Variants in MDGA2 observed in about 807,000 individuals in gnomAD.
The protein encoded by MDGA2 is MAM domain containing glycosylphosphatidylinositol anchor 2, also known as MAM domain-containing glycosylphosphatidylinositol anchor protein 2.
A neutral mutation model predicts 117.8 loss-of-function variants in MDGA2; 40 were observed. The observed-to-expected ratio is 0.34, with a 90% confidence interval of 0.26 to 0.44. The LOEUF (loss-of-function observed/expected upper bound fraction) is 0.44, where lower values mean the gene tolerates loss of function less well. Among genes scored for constraint, MDGA2 ranks in the 20% least tolerant of loss-of-function variants. The pLI, the probability that MDGA2 is intolerant of heterozygous loss-of-function variation, is 1.00. For missense variants in MDGA2, 1,123 were observed against 1,250.6 expected, an observed-to-expected ratio of 0.90 and a Z score of 1.54; for synonymous variants, 452 against 439.0, an observed-to-expected ratio of 1.03 and a Z score of -0.37.
At chr14:47,628,198 TC>T (rs1423289741) in intron 1 of MDGA2, among the ~76,000 whole-genome samples, 1 of 152,202 alleles carries the variant, frequency 6.6e-6, no homozygotes, top group Non-Finnish European at 1.5e-5. Flanking sequence ...CCTGACACTT[TC>T]TCAGTAATTC....
chr14:47,346,441 C>A (rs1890764318), intron 1 of MDGA2, among the ~76,000 whole-genome samples: 1 of 152,060 alleles, frequency 6.6e-6, no homozygotes, highest in Admixed American at 6.5e-5. Flanking sequence ...CAGTGTGGGA[C>A]AGAAAAAGCA....
intron 1 of MDGA2, among the ~76,000 whole-genome samples, chr14:47,530,904 T>G (rs922107997): frequency 6.6e-6 from 1 of 152,138 alleles, no homozygotes; most frequent in Non-Finnish European, 1.5e-5. Flanking sequence ...GTAAATTAAG[T>G]TCATGTAATC....
At chr14:47,403,135 C>A (rs1892189840) in intron 1 of MDGA2, among the ~76,000 whole-genome samples, 2 of 152,156 alleles carry the variant, frequency 1.3e-5, no homozygotes, top group Non-Finnish European at 2.9e-5. Context: ...CACCACTTTC[C>A]ATTTCCAACA....
At chr14:47,426,543 CTAGT>C (rs1297605035) in intron 1 of MDGA2, among the ~76,000 whole-genome samples, 2 of 151,488 alleles carry the variant, frequency 1.3e-5, no homozygotes, top group Admixed American at 6.6e-5. Context: ...ACTAGTATTA[CTAGT>C]TAGATAATAT....
At chr14:47,357,865 C>A (rs1891030583) in intron 1 of MDGA2, among the ~76,000 whole-genome samples, 1 of 152,156 alleles carries the variant, frequency 6.6e-6, no homozygotes, top group African/African-American at 2.4e-5. Flanking sequence ...ACTCTTCTAA[C>A]TTTAGGGGGA....
chr14:46,978,997 T>G (rs755714262), intron 8 of MDGA2, among the ~76,000 whole-genome samples: 2 of 152,260 alleles, frequency 1.3e-5, no homozygotes, highest in South Asian at 2.1e-4. Context: ...GACAATGAAT[T>G]TTTTACAAAT....
intron 5 of MDGA2, among the ~76,000 whole-genome samples, chr14:47,107,734 T>C (rs1056782091): frequency 1.5e-4 from 23 of 151,216 alleles, no homozygotes; most frequent in Non-Finnish European, 2.7e-4. Flanking sequence ...GTTAGCGCGG[T>C]CAGAATTTTT....
intron 1 of MDGA2, among the ~76,000 whole-genome samples, chr14:47,314,428 C>T (rs1449390172): frequency 1.3e-5 from 2 of 152,070 alleles, no homozygotes; most frequent in South Asian, 2.1e-4. Context: ...CCTGTAATCT[C>T]GCACTTTTGG....
chr14:46,918,703 T>C (rs538702072), intron 10 of MDGA2, among the ~76,000 whole-genome samples: 20 of 151,956 alleles, frequency 1.3e-4, no homozygotes, highest in African/African-American at 4.6e-4. Flanking sequence ...GAAAAGCTCT[T>C]TCACTTTTTT....
At chr14:47,029,373 G>C (rs1165370376) in intron 8 of MDGA2, among the ~76,000 whole-genome samples, 1 of 151,856 alleles carries the variant, frequency 6.6e-6, no homozygotes, top group Non-Finnish European at 1.5e-5. Flanking sequence ...ATTTTTCTTT[G>C]TTTGGAAAAT....
At chr14:46,977,564 T>C (rs1315577447) in intron 8 of MDGA2, among the ~76,000 whole-genome samples, 1 of 151,914 alleles carries the variant, frequency 6.6e-6, no homozygotes, top group African/African-American at 2.4e-5. Flanking sequence ...CTCCCAGAAA[T>C]GTAGTTAAAA....
intron 1 of MDGA2, among the ~76,000 whole-genome samples, chr14:47,586,476 C>T (rs78843198): frequency 0.015 from 2,213 of 151,956 alleles, 51 homozygotes; most frequent in East Asian, 0.12. Context: ...TAAAGCAAGA[C>T]AATGAATGCA....
intron 1 of MDGA2, among the ~76,000 whole-genome samples, chr14:47,375,911 T>C (rs1048973200): frequency 7.2e-5 from 11 of 152,126 alleles, no homozygotes; most frequent in Admixed American, 7.2e-4. Flanking sequence ...GGGTAATCTA[T>C]TACCTATTAC....
intron 8 of MDGA2, among the ~76,000 whole-genome samples, chr14:46,983,295 T>G (rs537685210): frequency 3.3e-5 from 5 of 152,290 alleles, no homozygotes; most frequent in East Asian, 1.9e-4. Flanking sequence ...TGAATCTCTC[T>G]AATATTCTCA....
At chr14:47,089,688 A>G (rs1342518138) in intron 6 of MDGA2, among the ~76,000 whole-genome samples, 1 of 152,064 alleles carries the variant, frequency 6.6e-6, no homozygotes, top group African/African-American at 2.4e-5. Context: ...CATATATACC[A>G]TGGAATACTA....
intron 1 of MDGA2, among the ~76,000 whole-genome samples, chr14:47,506,090 G>A (rs1386309909): frequency 6.6e-6 from 1 of 152,112 alleles, no homozygotes; most frequent in Non-Finnish European, 1.5e-5. Context: ...AGAGCTATGA[G>A]AGTTCAGTAA....
At chr14:47,015,622 A>G (rs931026045) in intron 8 of MDGA2, among the ~76,000 whole-genome samples, 4 of 152,094 alleles carry the variant, frequency 2.6e-5, no homozygotes, top group African/African-American at 9.7e-5. Flanking sequence ...ATCCAAGGCT[A>G]AAGGATTTGC....
At chr14:47,510,554 A>T (rs886192921) in intron 1 of MDGA2, among the ~76,000 whole-genome samples, 2 of 152,208 alleles carry the variant, frequency 1.3e-5, no homozygotes, top group Non-Finnish European at 2.9e-5. Flanking sequence ...ATGTCTTAAA[A>T]AAAATCTGAG....
At chr14:47,656,625 A>G (rs1269256179) in intron 1 of MDGA2, among the ~76,000 whole-genome samples, 1 of 152,198 alleles carries the variant, frequency 6.6e-6, no homozygotes, top group African/African-American at 2.4e-5. Flanking sequence ...AATCAGCAAC[A>G]ATAACTCAGA....
Sources: gnomAD v4.1 joint callset for allele counts (sites outside exome capture counted in the v4.1 genomes callset) on GRCh38, gnomAD v4.1.1 for gene constraint, MANE v1.5 for transcripts, NCBI Gene and HGNC (gene_info 2026-07-23, HGNC 2026-07-21) for gene names.